The following MDGA2 variants were observed in gnomAD, a reference collection of about 807,000 sequenced individuals.
MDGA2 encodes the protein MAM domain-containing glycosylphosphatidylinositol anchor protein 2.
A neutral mutation model predicts 117.8 loss-of-function variants in MDGA2; 40 were observed. The observed-to-expected ratio is 0.34, with a 90% CI of 0.26 to 0.44. The LOEUF (loss-of-function observed/expected upper bound fraction) is 0.44, where lower values mean the gene tolerates loss of function less well. Ranked by LOEUF, MDGA2 falls within the 20% of genes least tolerant of loss-of-function variation. The pLI is 1.00. For missense variants in MDGA2, 1,123 were observed against 1,250.6 expected (o/e 0.90, Z 1.54); for synonymous variants, 452 against 439.0 (o/e 1.03, Z -0.37).
intron 1 of MDGA2, among the ~76,000 whole-genome samples, chr14:47,466,639 G>A (rs577639334): frequency 3.3e-5 from 5 of 152,186 alleles, no homozygotes; most frequent in African/African-American, 4.8e-5. Context: ...TAATGAATGC[G>A]TTCTCATTCT....
At chr14:47,046,715 G>A (rs1245448255) in intron 7 of MDGA2, among the ~76,000 whole-genome samples, 2 of 151,952 alleles carry the variant, frequency 1.3e-5, no homozygotes, top group African/African-American at 2.4e-5. Context: ...GTTGAATACT[G>A]CACTCCAAAC....
At chr14:47,547,075 T>G (rs568928130) in intron 1 of MDGA2, among the ~76,000 whole-genome samples, 1 of 152,342 alleles carries the variant, frequency 6.6e-6, no homozygotes, top group African/African-American at 2.4e-5. Context: ...ATTCAGTTTT[T>G]AATGAGGGTG....
At chr14:46,844,797 G>A (rs183145777) in intron 16 of MDGA2, among the ~76,000 whole-genome samples, 23 of 152,216 alleles carry the variant, frequency 1.5e-4, no homozygotes, top group Non-Finnish European at 2.8e-4. Flanking sequence ...AGACCAGGTG[G>A]AGGTAACTGA....
intron 1 of MDGA2, among the ~76,000 whole-genome samples, chr14:47,474,476 A>T (rs960998064): frequency 1.3e-5 from 2 of 152,158 alleles, no homozygotes; most frequent in African/African-American, 4.8e-5. Context: ...AATTAGAAAA[A>T]AAAAGCTAAT....
chr14:47,107,014 A>G (rs12586856), intron 5 of MDGA2, among the ~76,000 whole-genome samples: 11,109 of 98,132 alleles, frequency 0.11, 2,263 homozygotes, highest in African/African-American at 0.31. Flanking sequence ...TCTCATTGCC[A>G]CCCTTCTTCC....
chr14:47,539,680 T>C (rs1895296677), intron 1 of MDGA2, among the ~76,000 whole-genome samples: 1 of 152,158 alleles, frequency 6.6e-6, no homozygotes, highest in Non-Finnish European at 1.5e-5. Context: ...CTGAGAGAAG[T>C]GGGGGATAGT....
At chr14:46,899,021 C>A (rs941082248) in intron 10 of MDGA2, among the ~76,000 whole-genome samples, 3 of 151,990 alleles carry the variant, frequency 2.0e-5, no homozygotes, top group African/African-American at 2.4e-5. Flanking sequence ...GAGGGAGATT[C>A]CTGAACCTAA....
intron 1 of MDGA2, among the ~76,000 whole-genome samples, chr14:47,320,193 T>A (rs1889938372): frequency 6.6e-6 from 1 of 152,168 alleles, no homozygotes; most frequent in Non-Finnish European, 1.5e-5. Context: ...AGTACTTTGT[T>A]GCAGCTGCCC....
At chr14:47,332,981 A>G (rs1282469468) in intron 1 of MDGA2, among the ~76,000 whole-genome samples, 1 of 151,864 alleles carries the variant, frequency 6.6e-6, no homozygotes, top group African/African-American at 2.4e-5. Flanking sequence ...ACATGATTTG[A>G]TTATTTTTAA....
At chr14:47,536,814 A>G (rs1279534301) in intron 1 of MDGA2, among the ~76,000 whole-genome samples, 1 of 152,246 alleles carries the variant, frequency 6.6e-6, no homozygotes, top group African/African-American at 2.4e-5. Context: ...ACTGTTTCTA[A>G]ACAGGAAATG....
chr14:47,171,816 C>A (rs1426258265), intron 3 of MDGA2, among the ~76,000 whole-genome samples: 3 of 152,242 alleles, frequency 2.0e-5, no homozygotes, highest in South Asian at 4.1e-4. Context: ...GTGCAGCACA[C>A]CATGCGCGAG....
intron 1 of MDGA2, among the ~76,000 whole-genome samples, chr14:47,410,742 C>T (rs28624414): frequency 2.7e-3 from 417 of 152,176 alleles, no homozygotes; most frequent in Non-Finnish European, 4.5e-3. Flanking sequence ...CAGCCTATTG[C>T]TTTTACCGTA....
At position 47,372,965 on chromosome 14, in the gene MDGA2, T is replaced by A. The variant is rs192757285; in HGVS notation, c.281-71415A>T. On this transcript the variant is annotated intron_variant, in intron 1 of 16. Transcript: ENST00000399232. ...GTATGTTTTTAAATGATAAAAAAAA[T>A]TTGTATTGTAGAACAATGCAAATAC... Among the ~76,000 whole-genome samples the A allele has an allele frequency of 5.3e-5, 8 of 152,072 alleles. No individual in the cohort carries two copies. In the East Asian group the frequency reaches 7.7e-4, roughly 15 times the overall value.
chr14:46,957,491 C>T lies in MDGA2; in HGVS notation c.1972G>A (p.Asp658Asn). The T allele has an allele frequency of 6.2e-7, 1 of 1,614,092 alleles. No homozygotes were observed. Among genetic ancestry groups the T allele is most frequent in the South Asian group, 1.1e-5 (1 of 91,070 alleles). Residue 658 changes from aspartate to asparagine, a missense_variant, in exon 9 of 17, where the codon GAC becomes AAC. Physicochemically the swap from Asp to Asn is conservative, Grantham distance 23. Coordinates refer to ENST00000399232, the MANE Select transcript of MDGA2 (RefSeq NM_001113498.3). ...GNKLLRTGQFDSQEYTEYAVK... is the reference protein window; with the variant it reads ...GNKLLRTGQFNSQEYTEYAVK... ...GCGTACTCTGTGTATTCCTGAGAGT[C>T]AAATTGACCCGTCCGTAATAATTTA...
intron 8 of MDGA2, among the ~76,000 whole-genome samples, chr14:46,958,869 A>G (rs1248780550): frequency 1.3e-5 from 2 of 152,212 alleles, no homozygotes; most frequent in Non-Finnish European, 2.9e-5. Flanking sequence ...GACACAATAT[A>G]TAATAGATTT....
intron 1 of MDGA2, among the ~76,000 whole-genome samples, chr14:47,533,915 T>C (rs1895153701): frequency 6.6e-6 from 1 of 152,214 alleles, no homozygotes; most frequent in Non-Finnish European, 1.5e-5. Flanking sequence ...AGTACAAATA[T>C]GGCATTCCCT....
At chr14:47,566,995 A>G (rs2138812864) in intron 1 of MDGA2, among the ~76,000 whole-genome samples, 1 of 151,734 alleles carries the variant, frequency 6.6e-6, no homozygotes, top group Middle Eastern at 3.4e-3. Context: ...TGCAGCCTCA[A>G]ACTCCTGGAA....
At chr14:47,545,071 T>C (rs1895434015) in intron 1 of MDGA2, among the ~76,000 whole-genome samples, 1 of 152,146 alleles carries the variant, frequency 6.6e-6, no homozygotes, top group Admixed American at 6.5e-5. Context: ...CAACACCAAG[T>C]TCAATATTTA....
rs1896981710 is a variant in MDGA2 at position 47,618,168 on chromosome 14, T to C, written c.280+56349A>G. Among the ~76,000 whole-genome samples, 8 of 152,280 alleles carry C rather than the reference T, an allele frequency of 5.3e-5. No individual in the cohort carries two copies. In the South Asian group the frequency reaches 1.7e-3, roughly 32 times the overall value. On this transcript the variant is annotated intron_variant, in intron 1 of 16. Coordinates refer to ENST00000399232, the MANE Select transcript of MDGA2 (RefSeq NM_001113498.3). ...CATAAATACAAATAACTGTACTAGCTTGAGATGCTGCTTCTAATCAAGCAA... is the reference window on the plus strand; with the variant it reads ...CATAAATACAAATAACTGTACTAGCCTGAGATGCTGCTTCTAATCAAGCAA...
Sources: allele counts gnomAD v4.1 joint callset (sites outside exome capture counted in the v4.1 genomes callset), GRCh38; gene constraint gnomAD v4.1.1; transcripts MANE v1.5; gene names NCBI Gene and HGNC (gene_info 2026-07-23, HGNC 2026-07-21).